The following PRKAA2 variants were observed in gnomAD, a reference collection of about 807,000 sequenced individuals.
The protein encoded by PRKAA2 is protein kinase AMP-activated catalytic subunit alpha 2, also known as 5'-AMP-activated protein kinase catalytic subunit alpha-2.
Under a neutral mutation model 56.3 loss-of-function variants are expected in PRKAA2, and 40 were observed. The ratio of observed to expected loss-of-function variants is 0.71; its 90% CI spans 0.55 to 0.92. The LOEUF (loss-of-function observed/expected upper bound fraction) is 0.92, where lower values mean the gene tolerates loss of function less well. Ranked by LOEUF, PRKAA2 falls within the 40% of genes least tolerant of loss-of-function variation. The pLI is 0.00. For synonymous variants in PRKAA2, 214 were observed against 234.2 expected (o/e 0.91, Z 0.79); for missense variants, 542 against 686.9 (o/e 0.79, Z 2.36).
At chr1:56,689,398 C>A (rs998278602) in intron 2 of PRKAA2, among the ~76,000 whole-genome samples, 37 of 152,126 alleles carry the variant, frequency 2.4e-4, no homozygotes, top group Non-Finnish European at 4.4e-4. Context: ...CATGTTTCTT[C>A]CCAAAGACTA....
chr1:56,673,174 C>A (rs535354644), intron 1 of PRKAA2, among the ~76,000 whole-genome samples: 2 of 152,078 alleles, frequency 1.3e-5, no homozygotes, highest in East Asian at 3.9e-4. Flanking sequence ...GAGTTCAAGA[C>A]CAGCCTGAGC....
At position 56,696,063 on chromosome 1, in the gene PRKAA2, T is replaced by C; in HGVS notation, c.692T>C (p.Phe231Ser). The part of the protein sequence containing the change: ...TLFKKIRGGV[F>S]YIPEYLNRSV... ...TTTAAGAAGATCCGAGGGGGTGTCT[T>C]TTATATCCCAGAATATCTCAATCGT... is the stretch of plus-strand genomic sequence containing the variant. The change falls in exon 6 of 9, where the codon TTT (phenylalanine) becomes TCT (serine). Residue 231 changes from phenylalanine (F) to serine (S), a missense_variant. By Grantham distance (155) the Phe-to-Ser change is radical. Transcript: ENST00000371244. 1.2e-6 allele frequency: 2 copies of C among 1,613,250 alleles called. No homozygotes were observed. The highest frequency in any genetic ancestry group is 1.7e-6 in the Non-Finnish European group (2 of 1,179,850).
intron 2 of PRKAA2, among the ~76,000 whole-genome samples, chr1:56,676,205 C>G (rs1644112110): frequency 6.6e-6 from 1 of 152,118 alleles, no homozygotes; most frequent in South Asian, 2.1e-4. Flanking sequence ...GGTTGCATGG[C>G]AAAGGGTAAC....
In PRKAA2 at chr1:56,645,354, G is replaced by T. The variant is rs770982737; in HGVS notation, c.-34G>T. The T allele has an allele frequency of 4.2e-6, 6 of 1,430,230 alleles. No homozygotes were observed. Among genetic ancestry groups the T allele is most frequent in the Non-Finnish European group, 5.6e-6 (6 of 1,078,594 alleles). 88.6% of individuals were successfully genotyped at this position (1,430,230 alleles called of 1,614,324 possible). ...GGCGGCGGCGGCGGCTACGCGGAGC[G>T]GCAGGCGGTGGAGCGAGGCCGCGCG... is the stretch of plus-strand genomic sequence containing the variant. On this transcript the variant is annotated 5_prime_UTR_variant, in exon 1 of 9. Transcript: ENST00000371244.
rs1352688079 is a variant in PRKAA2, at chr1:56,708,552, A to G, written c.*839A>G. Reference sequence around the variant, plus strand: ...ATTTTTGCATTTCACCAACAGTGATAAAATAGTTAAATGAAACAAAGCAAA... The same window carrying G: ...ATTTTTGCATTTCACCAACAGTGATGAAATAGTTAAATGAAACAAAGCAAA... On this transcript the variant is annotated 3_prime_UTR_variant, in exon 9 of 9. Coordinates refer to ENST00000371244, the MANE Select transcript of PRKAA2 (RefSeq NM_006252.4). 1.3e-5 allele frequency: 2 copies of G among 152,222 alleles called. No homozygotes were observed. The highest frequency in any genetic ancestry group is 2.9e-5 in the Non-Finnish European group (2 of 68,048). 9.4% of individuals were successfully genotyped at this position (152,222 alleles called of 1,614,324 possible).
intron 2 of PRKAA2, among the ~76,000 whole-genome samples, chr1:56,683,872 T>A (rs1644173114): frequency 6.6e-6 from 1 of 152,110 alleles, no homozygotes; most frequent in Non-Finnish European, 1.5e-5. Flanking sequence ...GGGCTTTGGC[T>A]TTTACTCTTG....
intron 2 of PRKAA2, among the ~76,000 whole-genome samples, chr1:56,690,700 T>G (rs1644223814): frequency 1.3e-5 from 2 of 152,212 alleles, no homozygotes; most frequent in Admixed American, 1.3e-4. Flanking sequence ...ATTTTTCACT[T>G]CCTGGATTTT....
intron 3 of PRKAA2, 58 bp from the exon 4 acceptor site, chr1:56,692,300 A>C: frequency 6.2e-7 from 1 of 1,603,348 alleles, no homozygotes; most frequent in Non-Finnish European, 8.5e-7. Context: ...GATTACAGGC[A>C]TGAGCCACTG....
chr1:56,670,670 G>A (rs558336759), intron 1 of PRKAA2, among the ~76,000 whole-genome samples: 10 of 152,308 alleles, frequency 6.6e-5, no homozygotes, highest in African/African-American at 2.4e-4. Flanking sequence ...GCAGTGTAAT[G>A]TAATTAGTAT....
chr1:56,664,818 A>G (rs532531248), intron 1 of PRKAA2, among the ~76,000 whole-genome samples: 11 of 151,698 alleles, frequency 7.3e-5, no homozygotes, highest in Non-Finnish European at 1.0e-4. Context: ...TAATGCATTT[A>G]TATACATAGA....
At position 56,696,027 on chromosome 1, in the gene PRKAA2, T is replaced by C. The variant is rs1288534175; in HGVS notation, c.656T>C (p.Val219Ala). 1.9e-6 allele frequency: 3 copies of C among 1,612,696 alleles called. No individual in the cohort carries two copies. Residue 219 changes from valine (V) to alanine (A), a missense_variant, in exon 6 of 9, where the codon GTA becomes GCA. Transcript: ENST00000371244. ...ACCCTCCCATTTGATGATGAGCATG[T>C]ACCTACGTTATTTAAGAAGATCCGA... ...CGTLPFDDEH[V>A]PTLFKKIRGG... is the part of the protein sequence containing the mutation.
chr1:56,705,805 A>G (rs1644328139), intron 7 of PRKAA2, among the ~76,000 whole-genome samples: 1 of 152,214 alleles, frequency 6.6e-6, no homozygotes, highest in Non-Finnish European at 1.5e-5. Context: ...CTAGAGTGAA[A>G]GCTGGACCCT....
In PRKAA2 at chr1:56,693,812, G is replaced by A. The variant is rs371637215; in HGVS notation, c.523G>A (p.Gly175Arg). Residue 175 changes from glycine to arginine, a missense_variant, in exon 5 of 9, where the codon GGA becomes AGA. This residue lies in a region of PRKAA2 where 121 missense variants were observed against 210.0 expected (regional missense o/e 0.58). Transcript: ENST00000371244. The part of the protein sequence containing the change: ...SDGEFLRTSC[G>R]SPNYAAPEVI... ...TGGTGAATTTCTGAGAACTAGTTGCGGATCTCCAAATTATGCAGCACCTGA... is the reference window on the plus strand; with the variant it reads ...TGGTGAATTTCTGAGAACTAGTTGCAGATCTCCAAATTATGCAGCACCTGA... The A allele has an allele frequency of 6.2e-7, 1 of 1,600,160 alleles. No individual in the cohort carries two copies. The highest frequency in any genetic ancestry group is 1.7e-5 in the Admixed American group (1 of 59,440).
intron 8 of PRKAA2, among the ~76,000 whole-genome samples, 194 bp from the exon 9 acceptor site, chr1:56,707,281 T>A (rs962305279): frequency 2.6e-5 from 4 of 152,186 alleles, no homozygotes; most frequent in African/African-American, 9.7e-5. Context: ...GCAAGTCTTG[T>A]GATTGGTAGC....
rs1436435132 is a variant in PRKAA2, at chr1:56,711,339, G to A, written c.*3626G>A. ...AGCAACTATTGTAGATTTTTGATCT[G>A]TTTGGATTTATCTGTAGCATTGAAT... is the stretch of plus-strand genomic sequence containing the variant. On this transcript the variant is annotated 3_prime_UTR_variant, in exon 9 of 9. Coordinates refer to ENST00000371244, the MANE Select transcript of PRKAA2 (RefSeq NM_006252.4). 1.3e-5 allele frequency: 2 copies of A among 152,060 alleles called. No homozygotes were observed. The highest frequency in any genetic ancestry group is 2.4e-5 in the African/African-American group (1 of 41,422). The allele number at this position is 152,060 out of a possible 1,614,324, so 9.4% of individuals were successfully genotyped here.
At chr1:56,704,744 C>A (rs1217161655) in intron 7 of PRKAA2, among the ~76,000 whole-genome samples, 1 of 151,256 alleles carries the variant, frequency 6.6e-6, no homozygotes, top group Non-Finnish European at 1.5e-5. Flanking sequence ...CAGCATGCAT[C>A]ATAGCAATGA....
intron 1 of PRKAA2, among the ~76,000 whole-genome samples, chr1:56,659,747 G>T (rs1290524026): frequency 6.6e-6 from 1 of 151,742 alleles, no homozygotes; most frequent in Non-Finnish European, 1.5e-5. Context: ...ATCTCAACAA[G>T]AAACATAAAA....
chr1:56,670,453 A>T (rs1483813963), intron 1 of PRKAA2, among the ~76,000 whole-genome samples: 1 of 152,096 alleles, frequency 6.6e-6, no homozygotes, highest in African/African-American at 2.4e-5. Flanking sequence ...AGGCTTCAGG[A>T]TGAAGGAAGG....
intron 1 of PRKAA2, among the ~76,000 whole-genome samples, chr1:56,669,005 G>A (rs556962643): frequency 5.1e-4 from 78 of 152,286 alleles, no homozygotes; most frequent in Non-Finnish European, 9.3e-4. Flanking sequence ...ACCCTTCAAT[G>A]TGGAATGATC....
Sources: allele counts gnomAD v4.1 joint callset (sites outside exome capture counted in the v4.1 genomes callset), GRCh38; gene constraint gnomAD v4.1.1; regional missense constraint gnomAD v4.1.1; transcripts MANE v1.5; gene names NCBI Gene and HGNC (gene_info 2026-07-23, HGNC 2026-07-21).